ADAMTSL1: variants seen among roughly 807,000 people sequenced by gnomAD.
ADAMTSL1 encodes ADAMTS-like protein 1.
In ADAMTSL1, 126 loss-of-function variants were observed where a neutral mutation model predicts 201.8. That is an observed-to-expected ratio of 0.62 (90% confidence interval 0.54 to 0.72). ADAMTSL1 has a LOEUF of 0.72. ADAMTSL1 is among the 30% of genes least tolerant of loss of function. The probability of loss-of-function intolerance (pLI) is 0.00; values close to 1 mark genes in which losing one functional copy is unlikely to be tolerated. For missense variants in ADAMTSL1, 2,679 were observed against 2,277.8 expected (o/e 1.18, Z -3.59); for synonymous variants, 1,121 against 903.4 (o/e 1.24, Z -4.32).
At chr9:17,915,383 T>C (rs1237587519) in intron 1 of ADAMTSL1, among the ~76,000 whole-genome samples, 1 of 152,242 alleles carries the variant, frequency 6.6e-6, no homozygotes, top group East Asian at 1.9e-4. Flanking sequence ...TTATAGCATG[T>C]ATCAATATCT....
chr9:18,353,106 G>T lies in ADAMTSL1; in HGVS notation c.208-151723G>T, dbSNP rs1836048708. On this transcript the variant is annotated intron_variant, in intron 2 of 29. Transcript: ENST00000680146. The stretch of plus-strand genomic sequence containing the variant: ...GTTATAGTGATTACTATGCATGGCT[G>T]TGCTTGACTTCAATGTCAGGCTTGC... Among the ~76,000 whole-genome samples, 3 of 152,242 alleles carry T rather than the reference G, an allele frequency of 2.0e-5. No individual in the cohort carries two copies. In the South Asian group the frequency reaches 6.2e-4, roughly 32 times the overall value.
intron 2 of ADAMTSL1, among the ~76,000 whole-genome samples, chr9:18,215,590 C>A (rs1302633028): frequency 6.6e-6 from 1 of 151,764 alleles, no homozygotes. Context: ...CTCCTTTTTT[C>A]AATTTTGTTG....
At chr9:18,275,130 C>G (rs189755191) in intron 2 of ADAMTSL1, among the ~76,000 whole-genome samples, 1 of 152,182 alleles carries the variant, frequency 6.6e-6, no homozygotes, top group Admixed American at 6.5e-5. Flanking sequence ...AAGAGCCATA[C>G]AATTCAATTG....
intron 2 of ADAMTSL1, among the ~76,000 whole-genome samples, chr9:18,284,124 G>A (rs1228177911): frequency 1.3e-5 from 2 of 151,630 alleles, no homozygotes; most frequent in African/African-American, 4.9e-5. Context: ...CACTACTCGG[G>A]AGGCTGAGGC....
At chr9:18,630,279 A>C (rs1212598772) in intron 5 of ADAMTSL1, among the ~76,000 whole-genome samples, 1 of 152,148 alleles carries the variant, frequency 6.6e-6, no homozygotes, top group Non-Finnish European at 1.5e-5. Flanking sequence ...ACTTTGGCTG[A>C]TGGGATAAGA....
rs117080163 is a variant in ADAMTSL1, at chr9:18,039,064, A to G, written c.88-124798A>G. 1.2e-4 allele frequency among the ~76,000 whole-genome samples: 18 copies of G among 152,316 alleles called. No individual in the cohort carries two copies. In the East Asian group the frequency reaches 3.5e-3, roughly 29 times the overall value. The stretch of plus-strand genomic sequence containing the variant: ...TATGAAACGAAAATATTAGCTCAGG[A>G]CCTCAGGTATAATAACATCAAAGAA... On this transcript the variant is annotated intron_variant, in intron 1 of 29. Coordinates refer to the ADAMTSL1 transcript ENST00000680146.
At chr9:18,287,355 A>G (rs571152228) in intron 2 of ADAMTSL1, among the ~76,000 whole-genome samples, 2 of 151,826 alleles carry the variant, frequency 1.3e-5, no homozygotes, top group African/African-American at 2.4e-5. Flanking sequence ...ATATACACAT[A>G]CATACATATA....
chr9:18,242,938 T>C (rs1398508899), intron 2 of ADAMTSL1, among the ~76,000 whole-genome samples: 1 of 152,138 alleles, frequency 6.6e-6, no homozygotes, highest in African/African-American at 2.4e-5. Flanking sequence ...ATATACAGAT[T>C]CAATGCAACA....
At chr9:18,612,384 C>T (rs374407218) in intron 4 of ADAMTSL1, among the ~76,000 whole-genome samples, 5 of 152,050 alleles carry the variant, frequency 3.3e-5, no homozygotes, top group Admixed American at 6.6e-5. Context: ...TCTTTGAAAT[C>T]GCAATATATC....
rs1038163504 is a variant in ADAMTSL1, at chr9:18,775,732, T to C, written c.2398-11T>C. ...GAATTTATGTGCATTTGGCCTTTCT[T>C]TCTCCACCAGTGTTCCACAAGCTGC... On this transcript the variant is annotated splice_polypyrimidine_tract_variant and intron_variant, in intron 17 of 28. Transcript: ENST00000380548. 3.7e-6 allele frequency: 6 copies of C among 1,611,620 alleles called. No homozygotes were observed. Among genetic ancestry groups the C allele is most frequent in the Non-Finnish European group, 5.1e-6 (6 of 1,178,952 alleles).
intron 1 of ADAMTSL1, among the ~76,000 whole-genome samples, chr9:17,922,790 G>A (rs4486301): frequency 0.98 from 149,470 of 152,192 alleles, 73,408 homozygotes; most frequent in East Asian, 1. Flanking sequence ...TGAACTAAAG[G>A]TATGAACCAC....
rs149953004 is a variant in ADAMTSL1, at chr9:18,010,294, T to C, written c.87+103372T>C. ...AGAAAACTTAGCAAACAATAACATA[T>C]AATCAGAAAGCAAGTTTTCTATCCA... On this transcript the variant is annotated intron_variant, in intron 1 of 29. Transcript: ENST00000680146. 3.4e-4 allele frequency among the ~76,000 whole-genome samples: 51 copies of C among 152,130 alleles called. 1 individual carries two copies. The East Asian group carries it at 9.4e-3, about 28-fold the overall frequency.
chr9:18,137,435 A>G (rs1039646995), intron 1 of ADAMTSL1, among the ~76,000 whole-genome samples: 1 of 152,100 alleles, frequency 6.6e-6, no homozygotes, highest in African/African-American at 2.4e-5. Flanking sequence ...GGGTCTTCCA[A>G]TCATTTAAAA....
rs912138548 is a variant in ADAMTSL1, at chr9:18,522,560, A to G, written c.192-10687A>G. ...CACCCATTAACTCGTTATTTACATT[A>G]AGTATATCCCCTAATGCTATCCCGC... is the stretch of plus-strand genomic sequence containing the variant. On this transcript the variant is annotated intron_variant, in intron 2 of 28. Coordinates refer to ENST00000380548, the MANE Select transcript of ADAMTSL1 (RefSeq NM_001040272.6). 9.2e-5 allele frequency among the ~76,000 whole-genome samples: 14 copies of G among 151,906 alleles called. No homozygotes were observed. The South Asian group carries it at 2.1e-3, about 23-fold the overall frequency.
At chr9:18,735,384 GT>G (rs2133508800) in intron 15 of ADAMTSL1, among the ~76,000 whole-genome samples, 1 of 152,288 alleles carries the variant, frequency 6.6e-6, no homozygotes, top group South Asian at 2.1e-4. Context: ...CTTATTTCTT[GT>G]TTTAAGGCAT....
At chr9:18,499,246 G>C (rs1367816234) in intron 1 of ADAMTSL1, among the ~76,000 whole-genome samples, 1 of 152,162 alleles carries the variant, frequency 6.6e-6, no homozygotes, top group African/African-American at 2.4e-5. Flanking sequence ...ATCTGGGAAG[G>C]CGCATGCCTC....
intron 7 of ADAMTSL1, among the ~76,000 whole-genome samples, chr9:18,651,995 A>G (rs1587805654): frequency 6.6e-6 from 1 of 152,052 alleles, no homozygotes; most frequent in South Asian, 2.1e-4. Flanking sequence ...TCCCTCTCCT[A>G]GCTTATAATG....
intron 2 of ADAMTSL1, among the ~76,000 whole-genome samples, chr9:18,265,468 C>A (rs1179656523): frequency 1.3e-5 from 2 of 152,102 alleles, no homozygotes; most frequent in Non-Finnish European, 2.9e-5. Flanking sequence ...GTCTCCTTCT[C>A]CCACTACATG....
chr9:18,312,585 G>A (rs1287582682), intron 2 of ADAMTSL1, among the ~76,000 whole-genome samples: 1 of 152,136 alleles, frequency 6.6e-6, no homozygotes, highest in Non-Finnish European at 1.5e-5. Context: ...GCTATACCAA[G>A]ACGTTCCCAC....
Sources: allele counts gnomAD v4.1 joint callset (sites outside exome capture counted in the v4.1 genomes callset), GRCh38; gene constraint gnomAD v4.1.1; transcripts MANE v1.5; gene names NCBI Gene and HGNC (gene_info 2026-07-23, HGNC 2026-07-21).